Variants in A1CF observed in about 807,000 individuals in gnomAD.
The protein encoded by A1CF is APOBEC1 complementation factor, also known as APOBEC-1 stimulating protein.
Under a neutral mutation model 68.9 loss-of-function variants are expected in A1CF, and 48 were observed. The observed-to-expected ratio is 0.70, with a 90% CI of 0.55 to 0.89. The LOEUF (loss-of-function observed/expected upper bound fraction) is 0.89. Ranked by LOEUF, A1CF falls within the 40% of genes least tolerant of loss-of-function variation. The pLI, the probability that A1CF is intolerant of heterozygous loss-of-function variation, is 0.00. For missense variants in A1CF, 653 were observed against 718.9 expected (o/e 0.91, Z 1.05); for synonymous variants, 272 against 260.4 (o/e 1.04, Z -0.43).
At chr10:50,829,188 C>G (rs930188710) in intron 6 of A1CF, among the ~76,000 whole-genome samples, 1 of 152,024 alleles carries the variant, frequency 6.6e-6, no homozygotes, top group African/African-American at 2.4e-5. Context: ...TTTCCCAGGC[C>G]TGTTCTACTT....
chr10:50,833,752 T>G (rs1429064046), intron 6 of A1CF, among the ~76,000 whole-genome samples: 1 of 152,052 alleles, frequency 6.6e-6, no homozygotes, highest in African/African-American at 2.4e-5. Context: ...GGTGATAGGT[T>G]TTGTTCTGAG....
intron 1 of A1CF, among the ~76,000 whole-genome samples, chr10:50,867,042 C>A (rs536070294): frequency 4.7e-5 from 7 of 148,508 alleles, no homozygotes; most frequent in African/African-American, 1.7e-4. Flanking sequence ...TAATGTCTTT[C>A]AAATGGTAAA....
At chr10:50,873,538 A>C (rs181399475) in intron 1 of A1CF, among the ~76,000 whole-genome samples, 1 of 151,974 alleles carries the variant, frequency 6.6e-6, no homozygotes, top group Non-Finnish European at 1.5e-5. Context: ...TTATTCTTTA[A>C]TTTTTTGTTC....
At chr10:50,811,653 A>G (rs913492727) in intron 10 of A1CF, among the ~76,000 whole-genome samples, 3 of 152,218 alleles carry the variant, frequency 2.0e-5, no homozygotes, top group African/African-American at 7.2e-5. Flanking sequence ...ATAGAATTAA[A>G]AAGTTTAATG....
At chr10:50,874,535 A>G (rs753295402) in intron 1 of A1CF, among the ~76,000 whole-genome samples, 1 of 152,222 alleles carries the variant, frequency 6.6e-6, no homozygotes, top group Non-Finnish European at 1.5e-5. Context: ...ACCTGTGCAC[A>G]TCTTGTTGCA....
chr10:50,860,879 T>A (rs1211368267), intron 2 of A1CF, among the ~76,000 whole-genome samples: 2 of 152,062 alleles, frequency 1.3e-5, no homozygotes, highest in Non-Finnish European at 2.9e-5. Flanking sequence ...TACACAGAGG[T>A]GAAGGCTGCC....
At chr10:50,872,107 G>T (rs1841295948) in intron 1 of A1CF, among the ~76,000 whole-genome samples, 1 of 151,358 alleles carries the variant, frequency 6.6e-6, no homozygotes, top group Non-Finnish European at 1.5e-5. Context: ...TCAATTTAAA[G>T]AAATCAAAAT....
chr10:50,843,676 G>T (rs1564516544), intron 4 of A1CF, among the ~76,000 whole-genome samples: 2 of 152,250 alleles, frequency 1.3e-5, no homozygotes, highest in Non-Finnish European at 2.9e-5. Context: ...ATTTTAGACA[G>T]GTTATTGTAG....
At chr10:50,826,480 C>T (rs10994625) in intron 7 of A1CF, among the ~76,000 whole-genome samples, 1,733 of 152,214 alleles carry the variant, frequency 0.011, 25 homozygotes, top group African/African-American at 0.04. Context: ...CAATATTCAA[C>T]ATTCTTAAAG....
intron 1 of A1CF, among the ~76,000 whole-genome samples, chr10:50,872,845 T>A (rs1841334380): frequency 6.6e-6 from 1 of 151,700 alleles, no homozygotes; most frequent in Non-Finnish European, 1.5e-5. Context: ...GAAATGTTAC[T>A]CCTTGGCAAG....
intron 5 of A1CF, among the ~76,000 whole-genome samples, chr10:50,836,898 G>A (rs1839527109): frequency 6.6e-6 from 1 of 151,944 alleles, no homozygotes; most frequent in South Asian, 2.1e-4. Flanking sequence ...CATAGCATCT[G>A]CTTTCTTTAG....
At chr10:50,846,140 C>A (rs1380628762) in intron 3 of A1CF, among the ~76,000 whole-genome samples, 1 of 152,010 alleles carries the variant, frequency 6.6e-6, no homozygotes, top group Admixed American at 6.6e-5. Context: ...CAACATGATG[C>A]CACAAGTAGA....
At chr10:50,830,049 A>T (rs1721628447) in intron 6 of A1CF, among the ~76,000 whole-genome samples, 3 of 152,134 alleles carry the variant, frequency 2.0e-5, no homozygotes, top group Admixed American at 6.6e-5. Context: ...TTTGGTGGTG[A>T]TAACATTTAA....
chr10:50,811,951 C>A (rs1470845002), intron 10 of A1CF, among the ~76,000 whole-genome samples: 1 of 152,156 alleles, frequency 6.6e-6, no homozygotes, highest in Non-Finnish European at 1.5e-5. Flanking sequence ...AGGGCATAAG[C>A]CTGAGAAAAT....
chr10:50,880,244 G>T (rs761153601), intron 1 of A1CF, among the ~76,000 whole-genome samples: 2 of 152,082 alleles, frequency 1.3e-5, no homozygotes, highest in Non-Finnish European at 2.9e-5. Flanking sequence ...CAGACTGCCC[G>T]GACTCACTCC....
At chr10:50,859,632 A>G (rs1589030328) in intron 3 of A1CF, among the ~76,000 whole-genome samples, 1 of 152,248 alleles carries the variant, frequency 6.6e-6, no homozygotes, top group African/African-American at 2.4e-5. Context: ...TGACAAGTTA[A>G]GGTTGAATTG....
chr10:50,837,832 A>C (rs1839575971), intron 5 of A1CF, among the ~76,000 whole-genome samples: 1 of 152,154 alleles, frequency 6.6e-6, no homozygotes, highest in African/African-American at 2.4e-5. Flanking sequence ...AGAAGAATAT[A>C]TATTGGTTTA....
chr10:50,874,830 C>T (rs906891840), intron 1 of A1CF, among the ~76,000 whole-genome samples: 3 of 152,178 alleles, frequency 2.0e-5, no homozygotes, highest in Admixed American at 6.6e-5. Context: ...ATAGCCATGA[C>T]ATACAGAAGC....
chr10:50,872,712 G>C (rs1362652809), intron 1 of A1CF, among the ~76,000 whole-genome samples: 1 of 152,034 alleles, frequency 6.6e-6, no homozygotes, highest in African/African-American at 2.4e-5. Flanking sequence ...TATTGTAATA[G>C]CTCCTTCGAG....
Sources: allele counts gnomAD v4.1 joint callset (sites outside exome capture counted in the v4.1 genomes callset), GRCh38; gene constraint gnomAD v4.1.1; transcripts MANE v1.5; gene names NCBI Gene and HGNC (gene_info 2026-07-23, HGNC 2026-07-21).